Variants in TTC39B observed in about 807,000 individuals in gnomAD.
TTC39B encodes the protein tetratricopeptide repeat protein 39B.
A neutral mutation model predicts 96.6 loss-of-function variants in TTC39B; 92 were observed. The ratio of observed to expected loss-of-function variants is 0.95; its 90% confidence interval spans 0.80 to 1.13. The LOEUF (loss-of-function observed/expected upper bound fraction) is 1.13, where lower values mean the gene tolerates loss of function less well. Among genes scored for constraint, TTC39B ranks in the 50% most tolerant of loss-of-function variants. The probability of loss-of-function intolerance (pLI) is 0.00; values close to 1 mark genes in which losing one functional copy is unlikely to be tolerated. For missense variants in TTC39B, 955 were observed against 809.3 expected (o/e 1.18, Z -2.18); for synonymous variants, 367 against 299.4 (o/e 1.23, Z -2.33).
intron 2 of TTC39B, among the ~76,000 whole-genome samples, chr9:15,265,423 C>G (rs1419183984): frequency 6.6e-6 from 1 of 152,186 alleles, no homozygotes; most frequent in Admixed American, 6.5e-5. Context: ...AAAGCAGTGT[C>G]TCCTCTGGTG....
At chr9:15,260,709 T>A (rs978821738) in intron 2 of TTC39B, among the ~76,000 whole-genome samples, 1 of 152,196 alleles carries the variant, frequency 6.6e-6, no homozygotes, top group African/African-American at 2.4e-5. Flanking sequence ...GGAAAAAGTT[T>A]GTGAGAAATG....
intron 1 of TTC39B, among the ~76,000 whole-genome samples, chr9:15,269,737 C>T (rs1325010269): frequency 2.6e-5 from 4 of 151,534 alleles, no homozygotes; most frequent in Non-Finnish European, 5.9e-5. Flanking sequence ...CACCTGTAAT[C>T]CCAGCTACTT....
At chr9:15,185,283 G>A (rs1229443754) in exon 16 of TTC39B, 1 of 1,611,250 alleles carries the variant, frequency 6.2e-7, no homozygotes, top group Non-Finnish European at 8.5e-7. Flanking sequence ...CAGATACCAG[G>A]GCAGGTAAGA....
intron 2 of TTC39B, among the ~76,000 whole-genome samples, chr9:15,256,250 G>T (rs1822747281): frequency 6.6e-6 from 1 of 151,712 alleles, no homozygotes; most frequent in African/African-American, 2.4e-5. Flanking sequence ...ACACAAAGAA[G>T]GCACCATCTA....
rs1821328511 is a variant in TTC39B at position 15,229,864 on chromosome 9, C to CCTACATT, written c.276-3859_276-3853dup. 2.6e-5 allele frequency among the ~76,000 whole-genome samples: 4 copies of CCTACATT among 152,114 alleles called. No homozygotes were observed. The South Asian group carries it at 8.3e-4, about 32-fold the overall frequency. ...TTTTTGTGGGGTTGTTATTATTACACCTACATTCTTGTTTATGAATTTCAG... is the reference window on the plus strand; with the variant it reads ...TTTTTGTGGGGTTGTTATTATTACACCTACATTCTACATTCTTGTTTATGAATTTCAG... On this transcript the variant is annotated intron_variant, in intron 2 of 19. Coordinates refer to ENST00000512701, the Ensembl canonical transcript of TTC39B.
At chr9:15,196,573 G>A (rs954923756) in intron 8 of TTC39B, among the ~76,000 whole-genome samples, 1 of 152,232 alleles carries the variant, frequency 6.6e-6, no homozygotes, top group Non-Finnish European at 1.5e-5. Flanking sequence ...CTGAAGATGA[G>A]ACTGACTGCT....
chr9:15,190,783 G>T, intron 10 of TTC39B, 121 bp from the exon 11 acceptor site: 1 of 790,202 alleles, frequency 1.3e-6, no homozygotes, highest in Non-Finnish European at 2.0e-6. Context: ...ATTACGCTGT[G>T]GTGAAGTCTG....
At chr9:15,281,019 CTTTT>C (rs1373609710) in intron 1 of TTC39B, among the ~76,000 whole-genome samples, 43 of 150,884 alleles carry the variant, frequency 2.8e-4, no homozygotes, top group African/African-American at 1.0e-3. Flanking sequence ...TTTTTTCTTT[CTTTT>C]TTGTCTTTTT....
intron 17 of TTC39B, among the ~76,000 whole-genome samples, chr9:15,181,256 T>C (rs960928801): frequency 5.3e-5 from 8 of 152,188 alleles, no homozygotes; most frequent in African/African-American, 1.9e-4. Flanking sequence ...TTCTATGCCC[T>C]TTACCATGTT....
At chr9:15,293,435 C>A (rs1260447825) in intron 1 of TTC39B, among the ~76,000 whole-genome samples, 2 of 152,032 alleles carry the variant, frequency 1.3e-5, no homozygotes, top group Non-Finnish European at 2.9e-5. Flanking sequence ...GGTGGGGGAA[C>A]AGTGTATGAA....
At chr9:15,189,833 TG>T (rs1357931616) in intron 11 of TTC39B, 41 bp from the exon 12 acceptor site, 1 of 1,396,444 alleles carries the variant, frequency 7.2e-7, no homozygotes, top group South Asian at 1.2e-5. Context: ...TCATAAGACA[TG>T]GGGATATTTA....
chr9:15,232,294 A>C (rs1821467782), intron 2 of TTC39B: 1 of 152,794 alleles, frequency 6.5e-6, no homozygotes, highest in South Asian at 2.1e-4. Context: ...GGGCCTTAGA[A>C]GCGAACCCAA....
chr9:15,288,317 C>A (rs1224010787), intron 1 of TTC39B, among the ~76,000 whole-genome samples: 1 of 152,198 alleles, frequency 6.6e-6, no homozygotes, highest in African/African-American at 2.4e-5. Context: ...CAAAAGTTAT[C>A]TTTCGGCCCA....
intron 14 of TTC39B, among the ~76,000 whole-genome samples, chr9:15,187,348 A>G (rs1165276204): frequency 6.6e-6 from 1 of 152,206 alleles, no homozygotes; most frequent in African/African-American, 2.4e-5. Flanking sequence ...ATTATCATGA[A>G]AAGCCTGGGC....
At position 15,182,420 on chromosome 9, in the gene TTC39B, T is replaced by C. The variant is rs761391134; in HGVS notation, c.1615-5A>G. On this transcript the variant is annotated splice_polypyrimidine_tract_variant and splice_region_variant and intron_variant, in intron 16 of 19. Coordinates refer to ENST00000512701, the Ensembl canonical transcript of TTC39B. ...ATTCCAGACATACATCATTTCCTAA[T>C]GAGGAAAAATGAAAACCATTTGCAG... The C allele has an allele frequency of 1.9e-6, 3 of 1,592,482 alleles. No individual in the cohort carries two copies. The highest frequency in any genetic ancestry group is 2.2e-5 in the South Asian group (2 of 89,056).
chr9:15,304,366 G>C (rs934089143), intron 1 of TTC39B, among the ~76,000 whole-genome samples: 38 of 152,176 alleles, frequency 2.5e-4, no homozygotes, highest in African/African-American at 8.7e-4. Flanking sequence ...TGTTGATTGA[G>C]CTTTAAATGG....
In TTC39B at chr9:15,173,517, G is replaced by T. The variant is rs116988628; in HGVS notation, c.1959-1408C>A. Among the ~76,000 whole-genome samples the T allele has an allele frequency of 1.7e-3, 260 of 152,196 alleles. 1 individual carries two copies. The highest frequency in any genetic ancestry group is 0.016 in the East Asian group (81 of 5,192). ...TGGTCTTAACTTGTTTGACCTCTTA[G>T]TTGCTGCCCTCATAACTGACCATGC... On this transcript the variant is annotated intron_variant, in intron 19 of 19. Coordinates refer to ENST00000512701, the Ensembl canonical transcript of TTC39B.
chr9:15,202,304 A>G (rs572504807), intron 7 of TTC39B, among the ~76,000 whole-genome samples: 3 of 152,290 alleles, frequency 2.0e-5, no homozygotes, highest in East Asian at 3.9e-4. Context: ...AGTCTTTGTA[A>G]TGTCTGGGTT....
At chr9:15,202,635 C>G (rs1586861412) in intron 7 of TTC39B, among the ~76,000 whole-genome samples, 2 of 151,912 alleles carry the variant, frequency 1.3e-5, no homozygotes, top group South Asian at 4.2e-4. Context: ...CTGCTTGAAC[C>G]CAGGAGGCAG....
Sources: allele counts gnomAD v4.1 joint callset (sites outside exome capture counted in the v4.1 genomes callset), GRCh38; gene constraint gnomAD v4.1.1; transcripts MANE v1.5; gene names NCBI Gene and HGNC (gene_info 2026-07-23, HGNC 2026-07-21).